USP47: variants seen among roughly 807,000 people sequenced by gnomAD.
USP47 encodes ubiquitin specific peptidase 47.
USP47 carries 35 observed loss-of-function variants against 165.1 expected under a neutral mutation model. The ratio of observed to expected loss-of-function variants is 0.21; its 90% confidence interval spans 0.16 to 0.28. USP47 has a LOEUF of 0.28. Among genes scored for constraint, USP47 ranks in the 10% least tolerant of loss-of-function variants. The pLI, the probability that USP47 is intolerant of heterozygous loss-of-function variation, is 1.00. For synonymous variants in USP47, 531 were observed against 544.5 expected, an observed-to-expected ratio of 0.98 and a Z score of 0.35; for missense variants, 1,277 against 1,607.4, an observed-to-expected ratio of 0.79 and a Z score of 3.52.
At chr11:11,882,015 G>A (rs1001876380) in intron 2 of USP47, among the ~76,000 whole-genome samples, 1 of 152,118 alleles carries the variant, frequency 6.6e-6, no homozygotes, top group African/African-American at 2.4e-5. Flanking sequence ...TATTAGAACA[G>A]TATTCTAGAT....
intron 19 of USP47, among the ~76,000 whole-genome samples, chr11:11,941,608 T>C (rs1197830413): frequency 1.3e-5 from 2 of 152,078 alleles, no homozygotes; most frequent in Non-Finnish European, 2.9e-5. Flanking sequence ...GTTTCATCTA[T>C]AATTTAACCA....
intron 3 of USP47, among the ~76,000 whole-genome samples, chr11:11,887,213 A>G (rs12275617): frequency 0.034 from 5,197 of 152,274 alleles, 277 homozygotes; most frequent in African/African-American, 0.12. Context: ...GACAGTATCA[A>G]ATTTGCACAT....
chr11:11,943,274 C>T (rs1022156755), intron 20 of USP47, 162 bp downstream of exon 20: 1 of 674,028 alleles, frequency 1.5e-6, no homozygotes, highest in African/African-American at 1.8e-5. Context: ...GTTCTTAGAC[C>T]TGTGCAGTAA....
rs371736334 is a variant in USP47 at position 11,919,149 on chromosome 11, AG to A, written c.970-1006del. ...TTTTCTTATTTTTATCTTGTTCCAA[AG>A]TGAGCTCTATCAAACAATATGTGGA... On this transcript the variant is annotated intron_variant, in intron 8 of 27. Transcript: ENST00000527733. Among the ~76,000 whole-genome samples, 5 of 152,038 alleles carry A rather than the reference AG, an allele frequency of 3.3e-5. No homozygotes were observed. In the East Asian group the frequency reaches 9.7e-4, roughly 29 times the overall value.
intron 21 of USP47, 26 bp from the exon 22 acceptor site, chr11:11,948,452 T>C: frequency 6.3e-7 from 1 of 1,578,904 alleles, no homozygotes; most frequent in Non-Finnish European, 8.7e-7. Flanking sequence ...AGACAGCATG[T>C]CTAAAAAAAT....
Position 11,884,579 on chromosome 11 carries a change from T to C in USP47, c.356T>C (p.Leu119Pro). 1 of 1,599,926 alleles carries C rather than the reference T, an allele frequency of 6.3e-7. No homozygotes were observed. Among genetic ancestry groups the C allele is most frequent in the Non-Finnish European group, 8.5e-7 (1 of 1,175,232 alleles). The change falls in exon 3 of 28, where the codon CTG becomes CCG. Residue 119 changes from leucine to proline, a missense_variant and splice_region_variant. This residue lies in a region of USP47 where 181 missense variants were observed against 194.7 expected (regional missense o/e 0.93). Coordinates refer to ENST00000527733, the MANE Select transcript of USP47 (RefSeq NM_001282659.2). ...GATGGTGAACAACCTCAAATACTGC[T>C]GGTAAGCTACTTAGAAAGCCCCATA... ...DKDGEQPQIL[L>P]EDSSAGEDSV...
rs1329728923 is a variant in USP47, at chr11:11,920,026, G to A, written c.970-130G>A. 1.4e-5 allele frequency: 8 copies of A among 577,858 alleles called. No homozygotes were observed. The East Asian group carries it at 2.7e-4, about 20-fold the overall frequency. 35.8% of individuals were successfully genotyped at this position (577,858 alleles called of 1,614,324 possible). ...ATTTTACTGTTGATAATTTTCCTTGGTACATTTTGAGTTCCTAAATTTCTA... is the reference window on the plus strand; with the variant it reads ...ATTTTACTGTTGATAATTTTCCTTGATACATTTTGAGTTCCTAAATTTCTA... On this transcript the variant is annotated intron_variant, in intron 8 of 27. Coordinates refer to ENST00000527733, the MANE Select transcript of USP47 (RefSeq NM_001282659.2).
chr11:11,883,042 C>G (rs992393812), intron 2 of USP47, among the ~76,000 whole-genome samples: 1 of 152,154 alleles, frequency 6.6e-6, no homozygotes, highest in African/African-American at 2.4e-5. Flanking sequence ...GGATACTCCT[C>G]AGAAAACTAA....
intron 24 of USP47, 69 bp from the exon 25 acceptor site, chr11:11,952,672 C>G: frequency 1.4e-6 from 2 of 1,402,728 alleles, no homozygotes; most frequent in Non-Finnish European, 1.9e-6. Flanking sequence ...TAGTAAGGCA[C>G]TAAGGGAAAA....
At chr11:11,885,230 GA>G (rs2134335029) in intron 3 of USP47, among the ~76,000 whole-genome samples, 1 of 152,104 alleles carries the variant, frequency 6.6e-6, no homozygotes, top group South Asian at 2.1e-4. Context: ...AAAAGAGTAA[GA>G]GGGAGGGGCC....
chr11:11,903,356 C>T lies in USP47; in HGVS notation c.819+14C>T. On this transcript the variant is annotated intron_variant, in intron 7 of 27. Coordinates refer to ENST00000527733, the MANE Select transcript of USP47 (RefSeq NM_001282659.2). The stretch of plus-strand genomic sequence containing the variant: ...CAAACAGAACAGGTAATTTATATCT[C>T]TCAAATCAAGGGGACTGTTTCCTAA... The T allele has an allele frequency of 4.4e-6, 7 of 1,605,956 alleles. No individual in the cohort carries two copies. The highest frequency in any genetic ancestry group is 6.0e-6 in the Non-Finnish European group (7 of 1,174,366).
intron 1 of USP47, among the ~76,000 whole-genome samples, chr11:11,854,005 G>A (rs1398994882): frequency 6.6e-6 from 1 of 151,138 alleles, no homozygotes; most frequent in African/African-American, 2.4e-5. Flanking sequence ...TGTGGTGGTG[G>A]GCGCCTGTAG....
chr11:11,945,944 A>G (rs922244760), intron 20 of USP47, among the ~76,000 whole-genome samples: 1 of 144,616 alleles, frequency 6.9e-6, no homozygotes, highest in Non-Finnish European at 1.5e-5. Flanking sequence ...CCCCCCCAAA[A>G]AAAAAAGAAA....
intron 1 of USP47, among the ~76,000 whole-genome samples, chr11:11,855,090 G>A (rs553749431): frequency 5.3e-5 from 8 of 150,054 alleles, no homozygotes; most frequent in East Asian, 3.9e-4. Context: ...GCGAGACTCC[G>A]TCTCAGGAAA....
intron 8 of USP47, 152 bp from the exon 9 acceptor site, chr11:11,920,004 T>G (rs1853713207): frequency 8.1e-6 from 4 of 496,076 alleles, no homozygotes; most frequent in East Asian, 7.1e-5. Context: ...TAATATTATT[T>G]TACTGTTGAT....
intron 8 of USP47, among the ~76,000 whole-genome samples, chr11:11,908,784 C>G (rs1852757755): frequency 6.6e-6 from 1 of 152,076 alleles, no homozygotes; most frequent in South Asian, 2.1e-4. Context: ...CTTCATTTTA[C>G]TCATCCAAGT....
In USP47 at chr11:11,956,052, G is replaced by A. The variant is rs750648645; in HGVS notation, c.3945G>A (p.Leu1315=). 2 of 1,602,012 alleles carry A rather than the reference G, an allele frequency of 1.2e-6. No individual in the cohort carries two copies. The highest frequency in any genetic ancestry group is 2.2e-5 in the East Asian group (1 of 44,774). ...MELTDEQRNE[L]MKKESSRLQK... ...TGACAGATGAGCAAAGAAATGAACT[G>A]ATGAAAAAAGAAAGCAGTCGACTCC... Residue 1315 remains leucine (L), a synonymous_variant, in exon 28 of 28, where the codon CTG becomes CTA. Coordinates refer to ENST00000527733, the MANE Select transcript of USP47 (RefSeq NM_001282659.2).
chr11:11,878,262 A>G (rs1850608752), intron 1 of USP47, among the ~76,000 whole-genome samples: 1 of 152,126 alleles, frequency 6.6e-6, no homozygotes, highest in South Asian at 2.1e-4. Flanking sequence ...TGATTTCTAA[A>G]TTCTTAGCGT....
chr11:11,950,281 T>C, intron 23 of USP47, 83 bp from the exon 24 acceptor site: 1 of 961,856 alleles, frequency 1.0e-6, no homozygotes, highest in Non-Finnish European at 1.5e-6. Flanking sequence ...ATAGTTCATT[T>C]TTCTTTGGTG....
Sources: gnomAD v4.1 joint callset for allele counts (sites outside exome capture counted in the v4.1 genomes callset) on GRCh38, gnomAD v4.1.1 for gene constraint, gnomAD v4.1.1 regional missense constraint, MANE v1.5 for transcripts, NCBI Gene and HGNC (gene_info 2026-07-23, HGNC 2026-07-21) for gene names.